Variants in SDK2 observed in about 807,000 individuals in gnomAD.
The protein encoded by SDK2 is sidekick cell adhesion molecule 2.
In SDK2, 105 loss-of-function variants were observed where a neutral mutation model predicts 253.9. The ratio of observed to expected loss-of-function variants is 0.41; its 90% confidence interval spans 0.35 to 0.49. SDK2 has a LOEUF of 0.49. SDK2 is among the 20% of genes least tolerant of loss of function. SDK2 has a pLI of 0.06. For synonymous variants in SDK2, 1,249 were observed against 1,234.9 expected (o/e 1.01, Z -0.24); for missense variants, 2,608 against 3,003.0 (o/e 0.87, Z 3.07).
At chr17:73,405,485 T>C (rs181994284) in intron 18 of SDK2, among the ~76,000 whole-genome samples, 1 of 88,070 alleles carries the variant, frequency 1.1e-5, no homozygotes. Context: ...TATATATATA[T>C]ATATATATAT....
At chr17:73,478,916 A>AGTGCACATGTGCACACTT (rs1458755131) in intron 2 of SDK2, among the ~76,000 whole-genome samples, 6 of 152,228 alleles carry the variant, frequency 3.9e-5, no homozygotes, top group African/African-American at 1.4e-4. Context: ...GGTGTGTGTG[A>AGTGCACATGTGCACACTT]GTGCACATGT....
At chr17:73,410,885 T>C (rs1235738093) in intron 18 of SDK2, among the ~76,000 whole-genome samples, 1 of 152,232 alleles carries the variant, frequency 6.6e-6, no homozygotes, top group Non-Finnish European at 1.5e-5. Context: ...GCCACTGCCC[T>C]AATTGTCCTG....
chr17:73,377,247 C>A (rs575975606), intron 36 of SDK2, among the ~76,000 whole-genome samples: 1 of 142,080 alleles, frequency 7.0e-6, no homozygotes, highest in East Asian at 2.0e-4. Context: ...GAGACAGAGT[C>A]TTGCTCTGTT....
chr17:73,345,825 G>T (rs148536987), intron 44 of SDK2, among the ~76,000 whole-genome samples: 1 of 152,162 alleles, frequency 6.6e-6, no homozygotes, highest in South Asian at 2.1e-4. Context: ...TGTCATTCAC[G>T]AACAATCCTT....
intron 2 of SDK2, among the ~76,000 whole-genome samples, chr17:73,498,945 G>T (rs2063864658): frequency 6.6e-6 from 1 of 152,218 alleles, no homozygotes; most frequent in Non-Finnish European, 1.5e-5. Context: ...ACCTTGGGTA[G>T]GTTGCCGAAC....
At chr17:73,415,350 CTTTTTTTTT>C (rs35201251) in intron 17 of SDK2, among the ~76,000 whole-genome samples, 1 of 122,126 alleles carries the variant, frequency 8.2e-6, no homozygotes, top group African/African-American at 3.2e-5. Context: ...TTTCATTTCA[CTTTTTTTTT>C]TTTTTTTTTT....
chr17:73,371,823 G>C (rs2062736370), intron 36 of SDK2, among the ~76,000 whole-genome samples: 1 of 152,144 alleles, frequency 6.6e-6, no homozygotes, highest in South Asian at 2.1e-4. Flanking sequence ...AGCCGGGCAT[G>C]GTGGCGGATG....
At chr17:73,350,190 T>TGGGCACTACTGGGCCTGGCCCCCCACCC in intron 43 of SDK2, 47 bp downstream of exon 43, 4 of 163,638 alleles carry the variant, frequency 2.4e-5, no homozygotes, top group Non-Finnish European at 2.9e-5. Context: ...TCTCCCCACC[T>TGGGCACTACTGGGCCTGGCCCCCCACCC]GGGCACTGCT....
At chr17:73,604,971 G>C (rs1220371046) in intron 1 of SDK2, among the ~76,000 whole-genome samples, 2 of 152,180 alleles carry the variant, frequency 1.3e-5, no homozygotes, top group Non-Finnish European at 2.9e-5. Flanking sequence ...CCTGGAAGGA[G>C]AGTTAGAGAG....
intron 15 of SDK2, 96 bp from the exon 16 acceptor site, chr17:73,419,402 G>C: frequency 1.5e-6 from 2 of 1,373,082 alleles, no homozygotes; most frequent in South Asian, 1.3e-5. Flanking sequence ...TCTGACTCTG[G>C]ATAATTCGGT....
chr17:73,425,186 C>T (rs1047885577), intron 12 of SDK2, among the ~76,000 whole-genome samples: 9 of 152,128 alleles, frequency 5.9e-5, no homozygotes, highest in African/African-American at 9.7e-5. Context: ...TGCCACTGCA[C>T]TCCAGCCTGG....
chr17:73,505,255 C>T (rs2063925730), intron 2 of SDK2, among the ~76,000 whole-genome samples: 2 of 152,190 alleles, frequency 1.3e-5, no homozygotes, highest in African/African-American at 4.8e-5. Context: ...ACTCTGCTGT[C>T]AGACAACTTA....
chr17:73,554,962 G>A lies in SDK2; in HGVS notation c.65-47365C>T, dbSNP rs146312965. Reference sequence around the variant, plus strand: ...TCTTCCATCTTCAGGAGCCCTCGAGGTGCTCTGAGCTCAGGCAGGGCCTTG... The same window carrying A: ...TCTTCCATCTTCAGGAGCCCTCGAGATGCTCTGAGCTCAGGCAGGGCCTTG... On this transcript the variant is annotated intron_variant, in intron 1 of 44. Transcript: ENST00000392650. Among the ~76,000 whole-genome samples, 945 of 152,362 alleles carry A rather than the reference G, an allele frequency of 6.2e-3. 9 individuals carry two copies. Among genetic ancestry groups the A allele is most frequent in the African/African-American group, 0.021 (869 of 41,582 alleles).
chr17:73,427,617 G>C (rs1183834037), intron 12 of SDK2, among the ~76,000 whole-genome samples: 1 of 125,340 alleles, frequency 8.0e-6, no homozygotes, highest in East Asian at 2.3e-4. Flanking sequence ...AACAAACAGT[G>C]CTGGAAAACC....
rs2062607252 is a variant in SDK2, at chr17:73,358,060, C to G, written c.5593+19G>C. On this transcript the variant is annotated intron_variant, in intron 40 of 44. Transcript: ENST00000392650. ...AGATAATGAGCTGTGGGGTCTCAGC[C>G]CAGCAGGGCGGGGCGCACCTGAAGG... 1.2e-6 allele frequency: 2 copies of G among 1,612,886 alleles called. No homozygotes were observed. The highest frequency in any genetic ancestry group is 2.2e-5 in the South Asian group (2 of 91,068).
In SDK2 at chr17:73,455,802, T is replaced by C; in HGVS notation, c.479+104A>G. On this transcript the variant is annotated intron_variant, in intron 4 of 44. Transcript: ENST00000392650. This position sits in a 1 kb window ranked among gnomAD's most constrained non-coding sequence, Gnocchi z 5.0. ...TCCCACAGGAGCTGAAAGGGGCTTCTGCACAAAGGCCCTCCTCCACACTCA... is the reference window on the plus strand; with the variant it reads ...TCCCACAGGAGCTGAAAGGGGCTTCCGCACAAAGGCCCTCCTCCACACTCA... The C allele has an allele frequency of 3.9e-6, 5 of 1,297,452 alleles. No homozygotes were observed. The highest frequency in any genetic ancestry group is 5.1e-6 in the Non-Finnish European group (5 of 976,564). The allele number at this position is 1,297,452 out of a possible 1,614,324, so 80.4% of individuals were successfully genotyped here. A position where few individuals can be genotyped will look rare whatever the true frequency, so the allele number is the denominator to read the frequency against.
chr17:73,433,156 T>C (rs2063341012), intron 10 of SDK2, among the ~76,000 whole-genome samples: 1 of 152,072 alleles, frequency 6.6e-6, no homozygotes. Context: ...CTGGGGTATA[T>C]ATATTATTGT....
In SDK2 at chr17:73,608,202, G is replaced by A. The variant is rs547124219; in HGVS notation, c.64+35823C>T. ...GGTGTTGGACGACCTCAACAGTTTTGAGGGGTGCTGGTCGGGTCCTTTGTA... is the reference window on the plus strand; with the variant it reads ...GGTGTTGGACGACCTCAACAGTTTTAAGGGGTGCTGGTCGGGTCCTTTGTA... On this transcript the variant is annotated intron_variant, in intron 1 of 44. Coordinates refer to ENST00000392650, the MANE Select transcript of SDK2 (RefSeq NM_001144952.2). 9.9e-5 allele frequency among the ~76,000 whole-genome samples: 15 copies of A among 152,168 alleles called. No homozygotes were observed. In the South Asian group the frequency reaches 3.1e-3, roughly 32 times the overall value.
At chr17:73,625,238 C>T (rs2143218824) in intron 1 of SDK2, among the ~76,000 whole-genome samples, 1 of 152,344 alleles carries the variant, frequency 6.6e-6, no homozygotes, top group South Asian at 2.1e-4. Flanking sequence ...CGGAATTCCA[C>T]ATCCTGCCTG....
Sources: allele counts gnomAD v4.1 joint callset (sites outside exome capture counted in the v4.1 genomes callset), GRCh38; gene constraint gnomAD v4.1.1; non-coding constraint Gnocchi (gnomAD v3.1); transcripts MANE v1.5; gene names NCBI Gene and HGNC (gene_info 2026-07-23, HGNC 2026-07-21).